The following PTPRD variants were observed in gnomAD, a reference collection of about 807,000 sequenced individuals.
PTPRD encodes protein tyrosine phosphatase receptor type D.
In PTPRD, 34 loss-of-function variants were observed where a neutral mutation model predicts 214.5. That is an observed-to-expected ratio of 0.16 (90% confidence interval 0.12 to 0.21). PTPRD has a LOEUF of 0.21. Among genes scored for constraint, PTPRD ranks in the 10% least tolerant of loss-of-function variants. PTPRD has a pLI of 1.00. For missense variants in PTPRD, 2,545 were observed against 2,398.7 expected, an observed-to-expected ratio of 1.06 and a Z score of -1.27; for synonymous variants, 1,128 against 845.7, an observed-to-expected ratio of 1.33 and a Z score of -5.79.
At chr9:8,534,035 A>T (rs2076333642) in intron 14 of PTPRD, among the ~76,000 whole-genome samples, 1 of 151,598 alleles carries the variant, frequency 6.6e-6, no homozygotes, top group South Asian at 2.1e-4. Flanking sequence ...TTAGAGACTT[A>T]AAAAATGGCT....
chr9:9,982,126 C>T (rs1203793443), intron 4 of PTPRD, among the ~76,000 whole-genome samples: 4 of 152,152 alleles, frequency 2.6e-5, no homozygotes, highest in Admixed American at 6.5e-5. Context: ...TGGTGAAGCA[C>T]GGCTTCTATG....
intron 11 of PTPRD, among the ~76,000 whole-genome samples, chr9:8,970,516 T>C (rs1009277303): frequency 2.0e-5 from 3 of 151,706 alleles, no homozygotes; most frequent in Non-Finnish European, 4.4e-5. Context: ...TTAAAAGTGA[T>C]AATCAAATAC....
chr9:8,797,057 C>A (rs1307966815), intron 11 of PTPRD: 1 of 151,942 alleles, frequency 6.6e-6, no homozygotes, highest in African/African-American at 2.4e-5. Context: ...AAACTGAAAA[C>A]TGCCATAACA....
intron 3 of PTPRD, among the ~76,000 whole-genome samples, chr9:10,115,823 C>G (rs367654997): frequency 2.0e-4 from 30 of 152,032 alleles, no homozygotes; most frequent in African/African-American, 7.2e-4. Context: ...AAATATAGGA[C>G]AATAAATCTA....
intron 8 of PTPRD, among the ~76,000 whole-genome samples, chr9:9,521,115 G>C (rs1287423070): frequency 6.6e-6 from 1 of 152,098 alleles, no homozygotes; most frequent in South Asian, 2.1e-4. Flanking sequence ...AACTATTTAA[G>C]AACTAAAGAG....
intron 9 of PTPRD, among the ~76,000 whole-genome samples, chr9:9,339,619 G>A (rs185338438): frequency 1.2e-4 from 18 of 152,306 alleles, no homozygotes; most frequent in Non-Finnish European, 2.4e-4. Flanking sequence ...TTAAATGTAT[G>A]CATTGACAGG....
At chr9:9,957,060 C>G (rs989199081) in intron 4 of PTPRD, among the ~76,000 whole-genome samples, 1 of 152,074 alleles carries the variant, frequency 6.6e-6, no homozygotes, top group African/African-American at 2.4e-5. Flanking sequence ...ATAGCTGAAG[C>G]TCATGGAGAA....
intron 44 of PTPRD, among the ~76,000 whole-genome samples, chr9:8,326,426 G>C (rs1274810282): frequency 6.6e-6 from 1 of 151,930 alleles, no homozygotes; most frequent in Non-Finnish European, 1.5e-5. Context: ...AAGCCGACTT[G>C]ATCGTGGTGG....
chr9:9,524,889 GCT>G (rs1228686951), intron 8 of PTPRD, among the ~76,000 whole-genome samples: 59 of 152,204 alleles, frequency 3.9e-4, no homozygotes, highest in African/African-American at 1.4e-3. Flanking sequence ...ACGGAGTCTC[GCT>G]CTGTTGCCCA....
chr9:8,918,323 T>G (rs758668174), intron 11 of PTPRD, among the ~76,000 whole-genome samples: 5 of 152,160 alleles, frequency 3.3e-5, no homozygotes, highest in African/African-American at 1.2e-4. Context: ...ACAAGCAAAG[T>G]AGAAAAGGCC....
At position 8,511,504 on chromosome 9, in the gene PTPRD, G is replaced by A. The variant is rs532401619; in HGVS notation, c.1544-4070C>T. Reference sequence around the variant, plus strand: ...TATTTTATTTTTATTTTATTCAAGAGTTTTTCTGTGTTGTAACATTTCCTT... The same window carrying A: ...TATTTTATTTTTATTTTATTCAAGAATTTTTCTGTGTTGTAACATTTCCTT... On this transcript the variant is annotated intron_variant, in intron 21 of 45. Transcript: ENST00000381196. Among the ~76,000 whole-genome samples the A allele has an allele frequency of 7.3e-5, 11 of 151,394 alleles. No individual in the cohort carries two copies. The East Asian group carries it at 1.2e-3, about 16-fold the overall frequency.
chr9:10,042,575 C>G (rs1456479653), intron 3 of PTPRD, among the ~76,000 whole-genome samples: 2 of 151,872 alleles, frequency 1.3e-5, no homozygotes, highest in Non-Finnish European at 2.9e-5. Flanking sequence ...ACAAGCAGAG[C>G]TACTAGCAGG....
intron 10 of PTPRD, among the ~76,000 whole-genome samples, chr9:9,093,709 T>C (rs1236979798): frequency 2.0e-5 from 3 of 151,344 alleles, no homozygotes; most frequent in Non-Finnish European, 4.4e-5. Context: ...TAGAGGAAAA[T>C]TTATAGCATT....
At chr9:10,197,598 T>C (rs1342445181) in intron 3 of PTPRD, among the ~76,000 whole-genome samples, 2 of 152,116 alleles carry the variant, frequency 1.3e-5, no homozygotes, top group African/African-American at 4.8e-5. Context: ...AAATCAGCCC[T>C]TTGAAAGGGT....
chr9:9,503,940 T>C (rs1182985660), intron 8 of PTPRD, among the ~76,000 whole-genome samples: 2 of 151,764 alleles, frequency 1.3e-5, no homozygotes, highest in Non-Finnish European at 2.9e-5. Flanking sequence ...TGGTGCCACT[T>C]TTGTTATCCA....
At chr9:9,135,512 G>C (rs961326401) in intron 10 of PTPRD, among the ~76,000 whole-genome samples, 2 of 151,762 alleles carry the variant, frequency 1.3e-5, no homozygotes, top group African/African-American at 2.4e-5. Context: ...CTCATTGCAA[G>C]AGTTAGTGCT....
intron 23 of PTPRD, among the ~76,000 whole-genome samples, chr9:8,502,989 T>A (rs1323270428): frequency 6.6e-6 from 1 of 152,004 alleles, no homozygotes; most frequent in African/African-American, 2.4e-5. Flanking sequence ...TACTATTTAT[T>A]AGCCTGCCTG....
intron 9 of PTPRD, among the ~76,000 whole-genome samples, chr9:9,389,908 A>C (rs1189371434): frequency 6.6e-6 from 1 of 152,172 alleles, no homozygotes; most frequent in Non-Finnish European, 1.5e-5. Flanking sequence ...CTAGTATTAA[A>C]GGCTGGACAA....
Position 8,316,703 on chromosome 9 carries a change from G to GAT in PTPRD, c.*1169_*1170dup, listed in dbSNP as rs1822048334. 1.7e-5 allele frequency: 4 copies of GAT among 231,020 alleles called. No homozygotes were observed. Among genetic ancestry groups the GAT allele is most frequent in the Non-Finnish European group, 1.7e-5 (2 of 116,520 alleles). 14.3% of individuals were successfully genotyped at this position (231,020 alleles called of 1,614,324 possible). On this transcript the variant is annotated 3_prime_UTR_variant, in exon 46 of 46. Coordinates refer to ENST00000381196, the MANE Select transcript of PTPRD (RefSeq NM_002839.4). ...TAACAAACAAACAAAACAATTTGTG[G>GAT]ATGTGATTGATTGGTTAGGTGGGGG...
Sources: allele counts gnomAD v4.1 joint callset (sites outside exome capture counted in the v4.1 genomes callset), GRCh38; gene constraint gnomAD v4.1.1; transcripts MANE v1.5; gene names NCBI Gene and HGNC (gene_info 2026-07-23, HGNC 2026-07-21).